Variants in PRKDC observed in about 807,000 individuals in gnomAD.
The protein encoded by PRKDC is DNA-dependent protein kinase catalytic subunit.
A neutral mutation model predicts 486.9 loss-of-function variants in PRKDC; 82 were observed. The observed-to-expected ratio is 0.17, with a 90% CI of 0.14 to 0.20. The LOEUF (loss-of-function observed/expected upper bound fraction) is 0.20, where lower values mean the gene tolerates loss of function less well. PRKDC is among the 10% of genes least tolerant of loss of function. The pLI, the probability that PRKDC is intolerant of heterozygous loss-of-function variation, is 1.00. For missense variants in PRKDC, 4,504 were observed against 5,038.2 expected (o/e 0.89, Z 3.21); for synonymous variants, 1,895 against 1,837.0 (o/e 1.03, Z -0.81).
chr8:47,823,412 C>T (rs2087650907), intron 64 of PRKDC, among the ~76,000 whole-genome samples: 1 of 151,706 alleles, frequency 6.6e-6, no homozygotes, highest in African/African-American at 2.4e-5. Flanking sequence ...GCTTCGCCTT[C>T]TACCAATGCA....
intron 64 of PRKDC, among the ~76,000 whole-genome samples, chr8:47,822,896 C>T (rs2087636436): frequency 6.6e-6 from 1 of 152,200 alleles, no homozygotes; most frequent in Admixed American, 6.5e-5. Context: ...ATGTACAAAA[C>T]TGAACTTATA....
chr8:47,900,901 G>T (rs532134273), intron 27 of PRKDC, among the ~76,000 whole-genome samples: 2 of 151,602 alleles, frequency 1.3e-5, no homozygotes, highest in Non-Finnish European at 2.9e-5. Flanking sequence ...GCTCAGCTGG[G>T]TGTGGTGGTG....
At chr8:47,817,942 T>G (rs1288050556) in intron 67 of PRKDC, among the ~76,000 whole-genome samples, 1 of 152,224 alleles carries the variant, frequency 6.6e-6, no homozygotes, top group Non-Finnish European at 1.5e-5. Flanking sequence ...AGTCTTTGTT[T>G]ATGGCATCAA....
At chr8:47,949,454 G>C (rs749925195) in intron 7 of PRKDC, among the ~76,000 whole-genome samples, 3 of 152,206 alleles carry the variant, frequency 2.0e-5, no homozygotes, top group Non-Finnish European at 4.4e-5. Flanking sequence ...AACACGTCTA[G>C]AATAGTCCTT....
chr8:47,813,001 A>C (rs569790337), intron 68 of PRKDC, among the ~76,000 whole-genome samples: 1 of 152,158 alleles, frequency 6.6e-6, no homozygotes, highest in South Asian at 2.1e-4. Flanking sequence ...TTTACTTTAA[A>C]AAACAAATAA....
At chr8:47,918,212 T>C in intron 22 of PRKDC, 65 bp downstream of exon 22, 1 of 1,085,236 alleles carries the variant, frequency 9.2e-7, no homozygotes. Context: ...ATTTTTACTT[T>C]TCACAAGTGT....
intron 54 of PRKDC, among the ~76,000 whole-genome samples, chr8:47,842,152 G>A (rs909755599): frequency 6.6e-6 from 1 of 152,148 alleles, no homozygotes; most frequent in Admixed American, 6.5e-5. Context: ...GATGGGGAGT[G>A]CAGCCCACCA....
intron 40 of PRKDC, among the ~76,000 whole-genome samples, chr8:47,877,494 A>C (rs1275823816): frequency 6.6e-6 from 1 of 152,248 alleles, no homozygotes; most frequent in Non-Finnish European, 1.5e-5. Context: ...TGAAGCTTGG[A>C]AAATGCTGAA....
intron 49 of PRKDC, among the ~76,000 whole-genome samples, chr8:47,856,697 TATC>T (rs1369410299): frequency 6.6e-6 from 1 of 152,352 alleles, no homozygotes; most frequent in East Asian, 1.9e-4. Flanking sequence ...AACATGGTGT[TATC>T]ATCTGGCAGC....
chr8:47,858,441 T>C, intron 48 of PRKDC, 75 bp downstream of exon 48: 6 of 1,293,266 alleles, frequency 4.6e-6, no homozygotes, highest in South Asian at 3.1e-5. Context: ...AGAATTGCAA[T>C]TGATTCATTC....
intron 68 of PRKDC, among the ~76,000 whole-genome samples, chr8:47,812,116 A>G (rs1446369483): frequency 6.6e-6 from 1 of 152,256 alleles, no homozygotes; most frequent in Non-Finnish European, 1.5e-5. Flanking sequence ...TATGTACCTA[A>G]TAACAGAATC....
intron 68 of PRKDC, among the ~76,000 whole-genome samples, chr8:47,816,753 A>C (rs2087456156): frequency 3.3e-5 from 5 of 152,302 alleles, no homozygotes; most frequent in African/African-American, 1.2e-4. Context: ...ATCTGGGTTA[A>C]AGAACCCAGG....
chr8:47,879,741 T>G, intron 38 of PRKDC, 83 bp from the exon 39 acceptor site: 2 of 1,193,138 alleles, frequency 1.7e-6, no homozygotes, highest in Non-Finnish European at 2.2e-6. Context: ...TGTAAGACAT[T>G]GCAAATAAAG....
rs183742075 is a variant in PRKDC, at chr8:47,930,303, C to T, written c.1893-291G>A. On this transcript the variant is annotated intron_variant, in intron 17 of 85. Coordinates refer to ENST00000314191, the MANE Select transcript of PRKDC (RefSeq NM_006904.7). The stretch of plus-strand genomic sequence containing the variant: ...TTATTTATTTTTTGAGACGGAGTCT[C>T]GCTCCGTTGCTCAGGCTGGAGTGCA... Among the ~76,000 whole-genome samples, 6 of 152,330 alleles carry T rather than the reference C, an allele frequency of 3.9e-5. No individual in the cohort carries two copies. In the East Asian group the frequency reaches 5.8e-4, roughly 15 times the overall value.
In PRKDC at chr8:47,820,938, T is replaced by A; in HGVS notation, c.9117A>T (p.Thr3039=). 6.3e-7 allele frequency: 1 copy of A among 1,584,106 alleles called. No homozygotes were observed. Among genetic ancestry groups the A allele is most frequent in the Non-Finnish European group, 8.6e-7 (1 of 1,162,716 alleles). Residue 3039 remains threonine, a synonymous_variant, in exon 66 of 86, where the codon ACA becomes ACT. Transcript: ENST00000314191. ...TGCTGCGGATCATGTAAGGTAGATA[T>A]GTTTCCTAAGGAACATAAAAATATA... ...KIWSEPFYQE[T]YLPYMIRSKL... is the part of the protein sequence containing the mutation.
Position 47,849,231 on chromosome 8 carries a change from T to G in PRKDC, c.7203A>C (p.Val2401=), listed in dbSNP as rs747655918. The G allele has an allele frequency of 6.2e-7, 1 of 1,614,010 alleles. No individual in the cohort carries two copies. Among genetic ancestry groups the G allele is most frequent in the East Asian group, 2.2e-5 (1 of 44,878 alleles). ...GVLKTLCLEV[V]LCRVEGMTEL... The stretch of plus-strand genomic sequence containing the variant: ...CTGTCATTCCCTCCACACGACAAAG[T>G]ACCACCTCCAGACAGAGTGTTTTCA... Residue 2401 remains valine, a synonymous_variant, in exon 54 of 86, where the codon GTA becomes GTC. Coordinates refer to ENST00000314191, the MANE Select transcript of PRKDC (RefSeq NM_006904.7).
intron 50 of PRKDC, among the ~76,000 whole-genome samples, 173 bp from the exon 51 acceptor site, chr8:47,854,387 G>A (rs1355639083): frequency 3.9e-5 from 6 of 152,144 alleles, no homozygotes; most frequent in Admixed American, 2.6e-4. Flanking sequence ...GCCCAGGCTG[G>A]AGTGCAGTTG....
intron 40 of PRKDC, among the ~76,000 whole-genome samples, chr8:47,874,844 C>A (rs2089055651): frequency 6.6e-6 from 1 of 152,042 alleles, no homozygotes. Flanking sequence ...CGCTTGAGCC[C>A]AGGAGTTCAA....
chr8:47,951,152 T>C (rs763994283), intron 7 of PRKDC, among the ~76,000 whole-genome samples: 11 of 151,436 alleles, frequency 7.3e-5, no homozygotes, highest in Non-Finnish European at 1.5e-4. Flanking sequence ...GCAGATCTCT[T>C]GGTTGGAGAC....
Sources: gnomAD v4.1 joint callset for allele counts (sites outside exome capture counted in the v4.1 genomes callset) on GRCh38, gnomAD v4.1.1 for gene constraint, MANE v1.5 for transcripts, NCBI Gene and HGNC (gene_info 2026-07-23, HGNC 2026-07-21) for gene names.